Variants in FBRSL1 observed in about 807,000 individuals in gnomAD.
FBRSL1 encodes the protein fibrosin-1-like protein.
Under a neutral mutation model 89.6 loss-of-function variants are expected in FBRSL1, and 51 were observed. The observed-to-expected ratio is 0.57, with a 90% CI of 0.45 to 0.72. The LOEUF is 0.72. Among genes scored for constraint, FBRSL1 ranks in the 30% least tolerant of loss-of-function variants. The probability of loss-of-function intolerance (pLI) is 0.00; values close to 1 mark genes in which losing one functional copy is unlikely to be tolerated. For synonymous variants in FBRSL1, 779 were observed against 681.1 expected, an observed-to-expected ratio of 1.14 and a Z score of -2.24; for missense variants, 1,618 against 1,451.8, an observed-to-expected ratio of 1.11 and a Z score of -1.86.
intron 18 of FBRSL1, among the ~76,000 whole-genome samples, 183 bp downstream of exon 18, chr12:132,582,449 C>T (rs2040838439): frequency 6.6e-6 from 1 of 151,344 alleles, no homozygotes; most frequent in Non-Finnish European, 1.5e-5. Context: ...ACCCTCCTCG[C>T]CCCACTGCTG....
rs1399083591 is a variant in FBRSL1, at chr12:132,494,518, G to A, written c.291+3657G>A. Reference sequence around the variant, plus strand: ...GCCCACTCCCACATGCTGGCCGCTCGGCCCCAGTGACGCTGGCCATGGTGC... The same window carrying A: ...GCCCACTCCCACATGCTGGCCGCTCAGCCCCAGTGACGCTGGCCATGGTGC... On this transcript the variant is annotated intron_variant, in intron 1 of 18. Coordinates refer to ENST00000680143, the MANE Select transcript of FBRSL1 (RefSeq NM_001367871.1). Among the ~76,000 whole-genome samples, 9 of 152,348 alleles carry A rather than the reference G, an allele frequency of 5.9e-5. No individual in the cohort carries two copies. The East Asian group carries it at 7.7e-4, about 13-fold the overall frequency.
At chr12:132,507,568 C>T (rs2136556427) in intron 1 of FBRSL1, among the ~76,000 whole-genome samples, 1 of 152,198 alleles carries the variant, frequency 6.6e-6, no homozygotes, top group Non-Finnish European at 1.5e-5. Flanking sequence ...TTACAGGGGG[C>T]CTGGGGGTGT....
At chr12:132,493,074 A>G (rs1207342087) in intron 1 of FBRSL1, among the ~76,000 whole-genome samples, 2 of 152,184 alleles carry the variant, frequency 1.3e-5, no homozygotes, top group Non-Finnish European at 2.9e-5. Flanking sequence ...CATTCCACAG[A>G]TGGGGACCTT....
chr12:132,581,349 G>A, intron 15 of FBRSL1, 90 bp from the exon 16 acceptor site: 4 of 1,546,608 alleles, frequency 2.6e-6, no homozygotes, highest in Non-Finnish European at 8.7e-7. Flanking sequence ...GTTCACAGAG[G>A]AAATTGGGGT....
chr12:132,583,817 G>A lies in FBRSL1; in HGVS notation c.*39G>A, dbSNP rs916064514. On this transcript the variant is annotated 3_prime_UTR_variant, in exon 19 of 19. Transcript: ENST00000680143. ...GACGCCTCTCCGAGCGGAGCGCACC[G>A]CTGTCCGTCTCTCCATCAGTTCCTA... 1.2e-5 allele frequency: 13 copies of A among 1,122,624 alleles called. No homozygotes were observed. Among genetic ancestry groups the A allele is most frequent in the Admixed American group, 4.5e-5 (1 of 22,012 alleles). 69.5% of individuals were successfully genotyped at this position (1,122,624 alleles called of 1,614,324 possible).
intron 2 of FBRSL1, 39 bp from the exon 3 acceptor site, chr12:132,525,695 G>A (rs1485901412): frequency 6.6e-6 from 10 of 1,506,274 alleles, no homozygotes; most frequent in African/African-American, 1.4e-5. Flanking sequence ...ACGCGGTGAG[G>A]TGGGGGTTTG....
intron 4 of FBRSL1, among the ~76,000 whole-genome samples, chr12:132,543,824 T>C (rs1566173969): frequency 6.6e-6 from 1 of 152,174 alleles, no homozygotes; most frequent in Non-Finnish European, 1.5e-5. Flanking sequence ...CCGGTGCCTG[T>C]GCTTCCGAGC....
At position 132,526,724 on chromosome 12, in the gene FBRSL1, C is replaced by T. The variant is rs563666385; in HGVS notation, c.579+901C>T. ...GCCCTCCTTTTCTTCCTCTGCCTTG[C>T]CCCTCAGAGGGGGTGTTGGATCTTT... On this transcript the variant is annotated intron_variant, in intron 3 of 18. Transcript: ENST00000680143. 1.6e-4 allele frequency among the ~76,000 whole-genome samples: 25 copies of T among 152,300 alleles called. 3 individuals are homozygous for T. The highest frequency in any genetic ancestry group is 5.3e-4 in the African/African-American group (22 of 41,548).
rs577991914 is a variant in FBRSL1 at position 132,548,994 on chromosome 12, C to G, written c.645+962C>G. Among the ~76,000 whole-genome samples, 19 of 152,266 alleles carry G rather than the reference C, an allele frequency of 1.2e-4. 2 individuals carry two copies. Among genetic ancestry groups the G allele is most frequent in the African/African-American group, 4.3e-4 (18 of 41,552 alleles). On this transcript the variant is annotated intron_variant, in intron 5 of 18. Transcript: ENST00000680143. ...GGGTTAGGGGACGCCCACTGTGGCC[C>G]GTGGCCTGGCAGGAGCTGTCTGGGC... is the stretch of plus-strand genomic sequence containing the variant.
chr12:132,547,882 C>G, intron 4 of FBRSL1, 121 bp from the exon 5 acceptor site: 1 of 1,060,826 alleles, frequency 9.4e-7, no homozygotes, highest in South Asian at 1.4e-5. Flanking sequence ...TGGTACCTCC[C>G]TCTCCTGGCA....
chr12:132,511,226 G>A, intron 2 of FBRSL1: 1 of 985,324 alleles, frequency 1.0e-6, no homozygotes, highest in South Asian at 4.7e-5. Flanking sequence ...CCACCCCCGT[G>A]GGCATGCACT....
At chr12:132,578,787 T>C (rs1449157777) in intron 15 of FBRSL1, among the ~76,000 whole-genome samples, 2 of 151,864 alleles carry the variant, frequency 1.3e-5, no homozygotes, top group African/African-American at 4.8e-5. Flanking sequence ...TGATGGCACG[T>C]TGCATGTGGA....
At chr12:132,522,129 G>A (rs1259822266) in intron 2 of FBRSL1, among the ~76,000 whole-genome samples, 15 of 152,144 alleles carry the variant, frequency 9.9e-5, no homozygotes. Flanking sequence ...GTGCCTGCGG[G>A]TCTCCGTGCA....
chr12:132,525,917 C>G, intron 3 of FBRSL1, 94 bp downstream of exon 3: 1 of 1,056,180 alleles, frequency 9.5e-7, no homozygotes, highest in Non-Finnish European at 1.4e-6. Context: ...GTCTGGGCCG[C>G]CTGCCCACTG....
rs2030711764 is a variant in FBRSL1, at chr12:132,490,742, GCCCCCGCGCCCCGCACCGCGCGT to G, written c.183_205del (p.Arg62ProfsTer37). The G allele has an allele frequency of 9.8e-6, 10 of 1,015,908 alleles. No individual in the cohort carries two copies. The highest frequency in any genetic ancestry group is 8.9e-5 in the East Asian group (1 of 11,288). 62.9% of individuals were successfully genotyped at this position (1,015,908 alleles called of 1,614,324 possible). On this transcript the variant is annotated frameshift_variant, in exon 1 of 19. Transcript: ENST00000680143. The stretch of plus-strand genomic sequence containing the variant: ...CCGCGGCGCGCCCCCCCGAGGCGCC[GCCCCCGCGCCCCGCACCGCGCGT>G]CCCCCGCGCCGCCGCCGCCGCGAGT...
intron 5 of FBRSL1, among the ~76,000 whole-genome samples, chr12:132,549,170 C>T (rs541288622): frequency 2.2e-4 from 33 of 152,312 alleles, no homozygotes; most frequent in African/African-American, 6.7e-4. Flanking sequence ...ACCGTCGCCG[C>T]GGCCTGGGGT....
chr12:132,505,635 G>C (rs1204157407), intron 1 of FBRSL1, among the ~76,000 whole-genome samples: 1 of 152,208 alleles, frequency 6.6e-6, no homozygotes, highest in Non-Finnish European at 1.5e-5. Flanking sequence ...GGGCAGAGTG[G>C]GGTGTTGGGT....
At chr12:132,544,709 T>C (rs915423641) in intron 4 of FBRSL1, among the ~76,000 whole-genome samples, 34 of 151,616 alleles carry the variant, frequency 2.2e-4, no homozygotes, top group African/African-American at 8.2e-4. Flanking sequence ...GGTGGTGGTG[T>C]GAGGATGGTG....
rs1334174477 is a variant in FBRSL1 at position 132,583,053 on chromosome 12, C to T, written c.2284C>T (p.Arg762Trp). ...CCACCCCGTCAGCGGCCTCCTGCTC[C>T]GGGCCCAGAGCGAGCTGGGCCGGTC... ...AGHPVSGLLL[R>W]AQSELGRSGA... The change falls in exon 19 of 19, where the codon CGG (arginine) becomes TGG (tryptophan). Residue 762 changes from arginine to tryptophan, a missense_variant. By Grantham distance (101) the Arg-to-Trp change is moderately radical. Transcript: ENST00000680143. 4.8e-6 allele frequency: 7 copies of T among 1,449,824 alleles called. No homozygotes were observed. The highest frequency in any genetic ancestry group is 1.3e-5 in the South Asian group (1 of 75,052). The allele number at this position is 1,449,824 out of a possible 1,614,324, so 89.8% of individuals were successfully genotyped here.
Sources: gnomAD v4.1 joint callset for allele counts (sites outside exome capture counted in the v4.1 genomes callset) on GRCh38, gnomAD v4.1.1 for gene constraint, MANE v1.5 for transcripts, NCBI Gene and HGNC (gene_info 2026-07-23, HGNC 2026-07-21) for gene names.